Variants in ABCC1 observed in about 807,000 individuals in gnomAD.
The protein encoded by ABCC1 is ATP binding cassette subfamily C member 1 (ABCC1 blood group).
Under a neutral mutation model 172.9 loss-of-function variants are expected in ABCC1, and 83 were observed. That is an observed-to-expected ratio of 0.48 (90% confidence interval 0.40 to 0.58). ABCC1 has a LOEUF of 0.58. ABCC1 is among the 20% of genes least tolerant of loss of function. The pLI is 0.00. For synonymous variants in ABCC1, 937 were observed against 825.2 expected (o/e 1.14, Z -2.32); for missense variants, 1,817 against 2,002.7 (o/e 0.91, Z 1.77).
chr16:16,024,867 T>C (rs1470454308), intron 5 of ABCC1, among the ~76,000 whole-genome samples: 1 of 152,064 alleles, frequency 6.6e-6, no homozygotes, highest in Non-Finnish European at 1.5e-5. Flanking sequence ...TATTCCCCTG[T>C]GCCCACTACA....
chr16:16,107,768 T>C (rs2052197737), intron 21 of ABCC1, among the ~76,000 whole-genome samples: 1 of 152,122 alleles, frequency 6.6e-6, no homozygotes, highest in South Asian at 2.1e-4. Context: ...TTAATAATTC[T>C]CCATTTATGG....
chr16:16,101,084 T>C (rs2051722998), intron 19 of ABCC1, among the ~76,000 whole-genome samples: 1 of 152,110 alleles, frequency 6.6e-6, no homozygotes, highest in South Asian at 2.1e-4. Flanking sequence ...CAGGCTGGAG[T>C]GTGGTAGCAT....
rs551757883 is a variant in ABCC1, at chr16:16,118,967, C to G, written c.3391-3008C>G. 4.7e-5 allele frequency among the ~76,000 whole-genome samples: 7 copies of G among 147,690 alleles called. No homozygotes were observed. The South Asian group carries it at 1.5e-3, about 32-fold the overall frequency. On this transcript the variant is annotated intron_variant, in intron 23 of 30. Transcript: ENST00000399410. ...GATTCATAATCGCCCAAACTGGAAA[C>G]AGCTCAAATGTCCATTAACAGGACC...
At chr16:16,027,917 T>C (rs2151813086) in intron 5 of ABCC1, among the ~76,000 whole-genome samples, 1 of 152,332 alleles carries the variant, frequency 6.6e-6, no homozygotes, top group East Asian at 1.9e-4. Flanking sequence ...ACCCTTTCTT[T>C]GGCTGTTACT....
At chr16:16,090,651 C>T (rs1349491065) in intron 19 of ABCC1, 63 bp downstream of exon 19, 3 of 1,471,374 alleles carry the variant, frequency 2.0e-6, no homozygotes, top group East Asian at 4.9e-5. Context: ...GCCACATTGG[C>T]CTCTTTGAGG....
intron 3 of ABCC1, among the ~76,000 whole-genome samples, chr16:16,013,284 T>TC (rs397702568): frequency 2.0e-5 from 3 of 151,660 alleles, no homozygotes; most frequent in African/African-American, 4.8e-5. Context: ...TTTTTTTTTT[T>TC]CTTTGAGATA....
chr16:16,083,281 C>T, intron 16 of ABCC1, 85 bp from the exon 17 acceptor site: 1 of 1,388,366 alleles, frequency 7.2e-7, no homozygotes, highest in Admixed American at 1.8e-5. Flanking sequence ...TGAGGCCCTC[C>T]TAGCAGGCGG....
chr16:16,142,601 G>T lies in ABCC1; in HGVS notation c.*1320G>T, dbSNP rs1258392046. The T allele has an allele frequency of 1.7e-5, 1 of 58,858 alleles. No individual in the cohort carries two copies. Among genetic ancestry groups the T allele is most frequent in the Non-Finnish European group, 3.8e-5 (1 of 26,114 alleles). 3.6% of individuals were successfully genotyped at this position (58,858 alleles called of 1,614,324 possible). The stretch of plus-strand genomic sequence containing the variant: ...AAAGAACCCATCTTTGAATATCAAT[G>T]ATTTTTTTTTTTTAAGTACTGTTCC... On this transcript the variant is annotated 3_prime_UTR_variant, in exon 31 of 31. Coordinates refer to ENST00000399410, the MANE Select transcript of ABCC1 (RefSeq NM_004996.4).
chr16:15,969,444 C>T (rs530191531), intron 1 of ABCC1, among the ~76,000 whole-genome samples: 31 of 149,972 alleles, frequency 2.1e-4, no homozygotes, highest in African/African-American at 7.4e-4. Context: ...GTGATCTCGG[C>T]TCACTGCAAC....
At chr16:15,982,419 G>A (rs1046914730) in intron 1 of ABCC1, among the ~76,000 whole-genome samples, 8 of 152,108 alleles carry the variant, frequency 5.3e-5, no homozygotes, top group South Asian at 2.1e-4. Flanking sequence ...TTCACATGGC[G>A]GCAGGAAGGA....
chr16:16,103,013 G>C (rs1018408325), intron 20 of ABCC1, among the ~76,000 whole-genome samples: 1 of 152,142 alleles, frequency 6.6e-6, no homozygotes, highest in African/African-American at 2.4e-5. Flanking sequence ...GTCTCTTGGC[G>C]GGGCCTGGAA....
intron 1 of ABCC1, among the ~76,000 whole-genome samples, chr16:15,959,478 A>C (rs2046079303): frequency 6.6e-6 from 1 of 151,972 alleles, no homozygotes; most frequent in Non-Finnish European, 1.5e-5. Flanking sequence ...GGTGCACACC[A>C]CCATACCCGG....
rs1228532784 is a variant in ABCC1 at position 15,999,769 on chromosome 16, T to TTCTCTCTCTCTCTCTCTCTC, written c.49-8026_49-8007dup. 1.3e-3 allele frequency among the ~76,000 whole-genome samples: 34 copies of TTCTCTCTCTCTCTCTCTCTC among 25,366 alleles called. 15 individuals carry two copies. Among genetic ancestry groups the TTCTCTCTCTCTCTCTCTCTC allele is most frequent in the African/African-American group, 1.8e-3 (17 of 9,436 alleles). 16.6% of individuals were successfully genotyped at this position (25,366 alleles called of 152,430 possible). On this transcript the variant is annotated intron_variant, in intron 1 of 30. Transcript: ENST00000399410. ...GTGTGAGCCTCTGTGCCCGGCCTCT[T>TTCTCTCTCTCTCTCTCTCTC]TCTCTCTCTCTCTCTCTCTCTCTCT...
intron 1 of ABCC1, among the ~76,000 whole-genome samples, chr16:15,967,439 G>T (rs2046268202): frequency 6.6e-6 from 1 of 151,914 alleles, no homozygotes; most frequent in African/African-American, 2.4e-5. Context: ...AGTTTTATTT[G>T]TAGTTTAGGT....
Position 16,134,430 on chromosome 16 carries a change from A to G in ABCC1, c.4047A>G (p.Gly1349=). Residue 1349 remains glycine, a synonymous_variant, in exon 28 of 31, where the codon GGA becomes GGG. Transcript: ENST00000399410. ...GLFRINESAE[G]EIIIDGINIA... ...TTCGGATCAACGAGTCTGCCGAAGG[A>G]GAGATCATCATCGATGGCATCAACA... 3 of 1,614,130 alleles carry G rather than the reference A, an allele frequency of 1.9e-6. No individual in the cohort carries two copies. Among genetic ancestry groups the G allele is most frequent in the South Asian group, 2.2e-5 (2 of 91,082 alleles).
At chr16:16,016,345 G>T (rs982209609) in intron 4 of ABCC1, 151 bp from the exon 5 acceptor site, 5 of 948,298 alleles carry the variant, frequency 5.3e-6, no homozygotes, top group Non-Finnish European at 8.0e-6. Context: ...GTAGAGACGG[G>T]GTTTCACCAT....
intron 21 of ABCC1, among the ~76,000 whole-genome samples, chr16:16,108,419 C>T (rs1034739742): frequency 1.1e-4 from 17 of 149,754 alleles, no homozygotes; most frequent in Non-Finnish European, 2.1e-4. Context: ...TACAGGCCTG[C>T]GCCACCATGC....
chr16:16,025,948 A>AGGT (rs530225356), intron 5 of ABCC1, among the ~76,000 whole-genome samples: 35 of 152,290 alleles, frequency 2.3e-4, no homozygotes, highest in African/African-American at 7.0e-4. Context: ...AACCCCCTGG[A>AGGT]GGTGGCTCTG....
intron 1 of ABCC1, among the ~76,000 whole-genome samples, chr16:15,970,044 G>T (rs2046332157): frequency 6.6e-6 from 1 of 152,040 alleles, no homozygotes; most frequent in Non-Finnish European, 1.5e-5. Context: ...GTTTCATCTG[G>T]TTGGAGAGAA....
Sources: allele counts gnomAD v4.1 joint callset (sites outside exome capture counted in the v4.1 genomes callset), GRCh38; gene constraint gnomAD v4.1.1; transcripts MANE v1.5; gene names NCBI Gene and HGNC (gene_info 2026-07-23, HGNC 2026-07-21).